IARS2: variants seen among roughly 807,000 people sequenced by gnomAD.
IARS2 encodes isoleucyl-tRNA synthetase 2, mitochondrial.
IARS2 carries 56 observed loss-of-function variants against 126.3 expected under a neutral mutation model. That is an observed-to-expected ratio of 0.44 (90% CI 0.36 to 0.55). The LOEUF is 0.55. Ranked by LOEUF, IARS2 falls within the 20% of genes least tolerant of loss-of-function variation. The pLI is 0.00. For synonymous variants in IARS2, 407 were observed against 441.1 expected (o/e 0.92, Z 0.97); for missense variants, 1,127 against 1,245.9 (o/e 0.90, Z 1.44).
intron 17 of IARS2, among the ~76,000 whole-genome samples, chr1:220,138,569 T>C (rs1052752871): frequency 2.6e-5 from 4 of 151,470 alleles, no homozygotes; most frequent in Middle Eastern, 7.0e-3. Context: ...CTTTATATTT[T>C]ATTAATATAT....
At chr1:220,107,817 G>C (rs1271206038) in intron 10 of IARS2, among the ~76,000 whole-genome samples, 2 of 152,124 alleles carry the variant, frequency 1.3e-5, no homozygotes, top group Admixed American at 1.3e-4. Flanking sequence ...CTAGCTTTTG[G>C]TGGCTCCTGG....
At chr1:220,134,671 G>T (rs932585868) in intron 15 of IARS2, 161 bp downstream of exon 15, 20 of 424,940 alleles carry the variant, frequency 4.7e-5, no homozygotes, top group Non-Finnish European at 7.5e-5. Context: ...CAACACCAAG[G>T]TGTCTTGTGA....
intron 15 of IARS2, among the ~76,000 whole-genome samples, chr1:220,135,645 C>T (rs1392002086): frequency 6.6e-6 from 1 of 152,002 alleles, no homozygotes; most frequent in Non-Finnish European, 1.5e-5. Flanking sequence ...CAGGCGTGAG[C>T]CCCCACGCCT....
At chr1:220,143,654 A>G (rs1252286987) in intron 21 of IARS2, among the ~76,000 whole-genome samples, 2 of 152,212 alleles carry the variant, frequency 1.3e-5, no homozygotes, top group Non-Finnish European at 2.9e-5. Context: ...AATTTCATCC[A>G]TCTGGACCAG....
chr1:220,137,718 G>A, intron 16 of IARS2, 200 bp from the exon 17 acceptor site: 3 of 556,644 alleles, frequency 5.4e-6, no homozygotes, highest in South Asian at 2.3e-5. Context: ...AGATTGCAGA[G>A]CACGCTCTTT....
chr1:220,136,860 C>T lies in IARS2; in HGVS notation c.1998C>T (p.Ser666=), dbSNP rs969697899. 1 of 1,611,908 alleles carries T rather than the reference C, an allele frequency of 6.2e-7. No individual in the cohort carries two copies. Among genetic ancestry groups the T allele is most frequent in the African/African-American group, 1.3e-5 (1 of 74,922 alleles). ...TTGGAGAAAAGGGAGAAAAGATGTC[C>T]AAGTCTCTTGGGAATGTCATTCATC... is the stretch of plus-strand genomic sequence containing the variant. ...FTLGEKGEKM[S]KSLGNVIHPD... The change falls in exon 16 of 23, where the codon TCC becomes TCT. Residue 666 remains serine, a synonymous_variant. Coordinates refer to ENST00000366922, the MANE Select transcript of IARS2 (RefSeq NM_018060.4).
At position 220,127,629 on chromosome 1, in the gene IARS2, G is replaced by C. The variant is rs1222686448; in HGVS notation, c.1837+786G>C. Reference sequence around the variant, plus strand: ...ACACAGTTCCTCACACTCCTACTAAGGGCCAGCTTTGGCCTGAGAGACCCT... The same window carrying C: ...ACACAGTTCCTCACACTCCTACTAACGGCCAGCTTTGGCCTGAGAGACCCT... On this transcript the variant is annotated intron_variant, in intron 14 of 22. Transcript: ENST00000366922. Among the ~76,000 whole-genome samples, 11 of 152,308 alleles carry C rather than the reference G, an allele frequency of 7.2e-5. No homozygotes were observed. The East Asian group carries it at 2.1e-3, about 29-fold the overall frequency.
intron 12 of IARS2, among the ~76,000 whole-genome samples, chr1:220,123,566 C>T (rs1301043675): frequency 2.0e-5 from 3 of 152,136 alleles, no homozygotes; most frequent in Admixed American, 6.5e-5. Flanking sequence ...CTCTGCCTCC[C>T]GGGTTCACGC....
At chr1:220,111,726 T>C (rs1235692891) in intron 11 of IARS2, among the ~76,000 whole-genome samples, 1 of 152,010 alleles carries the variant, frequency 6.6e-6, no homozygotes, top group Non-Finnish European at 1.5e-5. Context: ...GTTTGAAAGA[T>C]ACTACTGTAT....
chr1:220,128,219 G>A (rs557468005), intron 14 of IARS2, among the ~76,000 whole-genome samples: 1 of 113,996 alleles, frequency 8.8e-6, no homozygotes, highest in South Asian at 3.1e-4. Flanking sequence ...TGGGACTTGA[G>A]TATTCACAGA....
intron 12 of IARS2, chr1:220,117,822 T>C: frequency 3.9e-6 from 2 of 512,512 alleles, no homozygotes; most frequent in South Asian, 1.5e-5. Context: ...TGCCATTGCG[T>C]TGGTTGCGTG....
At chr1:220,141,044 T>G (rs1037141098) in intron 19 of IARS2, among the ~76,000 whole-genome samples, 66 of 151,172 alleles carry the variant, frequency 4.4e-4, no homozygotes, top group African/African-American at 1.6e-3. Flanking sequence ...AGGTTTGACC[T>G]CCCGCTTACT....
At chr1:220,094,963 C>A (rs574790467) in intron 1 of IARS2, among the ~76,000 whole-genome samples, 2 of 150,752 alleles carry the variant, frequency 1.3e-5, no homozygotes, top group Non-Finnish European at 1.5e-5. Flanking sequence ...CACCCCCACC[C>A]CCCCGTCCTT....
chr1:220,118,265 T>C, intron 12 of IARS2: 1 of 448,382 alleles, frequency 2.2e-6, no homozygotes, highest in Non-Finnish European at 4.5e-6. Context: ...AGATTCCTTT[T>C]GCTCATCATG....
chr1:220,118,181 A>C, intron 12 of IARS2: 2 of 505,586 alleles, frequency 4.0e-6, no homozygotes, highest in Non-Finnish European at 8.2e-6. Context: ...AAGTAACAGC[A>C]TCTCCACTGG....
intron 1 of IARS2, among the ~76,000 whole-genome samples, chr1:220,095,286 G>T (rs2577153): frequency 6.6e-6 from 1 of 151,994 alleles, no homozygotes; most frequent in Non-Finnish European, 1.5e-5. Flanking sequence ...TGATCTTCCC[G>T]CCTCGGCCTC....
rs770369316 is a variant in IARS2, at chr1:220,094,531, C to CCGCGGGCACCGGGCGCT, written c.267+52_267+68dup. The CCGCGGGCACCGGGCGCT allele has an allele frequency of 2.0e-6, 3 of 1,471,776 alleles. No homozygotes were observed. In the Admixed American group the frequency reaches 7.9e-5, roughly 39 times the overall value. The allele number at this position is 1,471,776 out of a possible 1,614,324, so 91.2% of individuals were successfully genotyped here. Reference sequence around the variant, plus strand: ...GGGCCTCCAGAGAGGCCCGATCCGGCCGCGGGCACCGGGCGCTCGCAGGCG... The same window carrying CCGCGGGCACCGGGCGCT: ...GGGCCTCCAGAGAGGCCCGATCCGGCCGCGGGCACCGGGCGCTCGCGGGCACCGGGCGCTCGCAGGCG... On this transcript the variant is annotated intron_variant, in intron 1 of 22. Coordinates refer to ENST00000366922, the MANE Select transcript of IARS2 (RefSeq NM_018060.4).
chr1:220,115,543 G>C (rs538629068), intron 12 of IARS2, among the ~76,000 whole-genome samples: 18 of 152,166 alleles, frequency 1.2e-4, no homozygotes, highest in African/African-American at 4.3e-4. Context: ...CTGGGTGACA[G>C]AGTGAGACTC....
chr1:220,143,024 AGTGCGT>A lies in IARS2; in HGVS notation c.2646_2651del (p.Cys883_Ala884del), dbSNP rs1657520092. 2 of 1,614,126 alleles carry A rather than the reference AGTGCGT, an allele frequency of 1.2e-6. No individual in the cohort carries two copies. Among genetic ancestry groups the A allele is most frequent in the Non-Finnish European group, 1.7e-6 (2 of 1,180,008 alleles). On this transcript the variant is annotated inframe_deletion, in exon 21 of 23. Transcript: ENST00000366922. The stretch of plus-strand genomic sequence containing the variant: ...GCCCGGGTTGGAAGAAGCTGTGGAG[AGTGCGT>A]GTGCAATGCGAGACTCATTTCTTGG...
Sources: gnomAD v4.1 joint callset for allele counts (sites outside exome capture counted in the v4.1 genomes callset) on GRCh38, gnomAD v4.1.1 for gene constraint, MANE v1.5 for transcripts, NCBI Gene and HGNC (gene_info 2026-07-23, HGNC 2026-07-21) for gene names.